The following KCNJ6 variants were observed in gnomAD, a reference collection of about 807,000 sequenced individuals.
KCNJ6 encodes the protein potassium inwardly rectifying channel subfamily J member 6, also known as G protein-activated inward rectifier potassium channel 2.
Under a neutral mutation model 34.2 loss-of-function variants are expected in KCNJ6, and 9 were observed. The ratio of observed to expected loss-of-function variants is 0.26; its 90% CI spans 0.16 to 0.46. KCNJ6 has a LOEUF of 0.46. KCNJ6 is among the 20% of genes least tolerant of loss of function. The probability of loss-of-function intolerance (pLI) is 1.00; values close to 1 mark genes in which losing one functional copy is unlikely to be tolerated. For missense variants in KCNJ6, 236 were observed against 531.3 expected (o/e 0.44, Z 5.46); for synonymous variants, 196 against 207.1 (o/e 0.95, Z 0.46).
chr21:37,875,597 GCTTA>G (rs760025251), intron 1 of KCNJ6, among the ~76,000 whole-genome samples: 70 of 152,208 alleles, frequency 4.6e-4, no homozygotes, highest in Non-Finnish European at 8.1e-4. Flanking sequence ...GCTGCAAACA[GCTTA>G]CTGTTTCGAT....
At chr21:37,665,088 G>A (rs748068001) in intron 3 of KCNJ6, among the ~76,000 whole-genome samples, 14 of 152,080 alleles carry the variant, frequency 9.2e-5, no homozygotes, top group Non-Finnish European at 1.6e-4. Context: ...GAGCCACCAC[G>A]CCTGGCAAGA....
At chr21:37,783,578 G>C (rs574850839) in intron 2 of KCNJ6, among the ~76,000 whole-genome samples, 39 of 152,226 alleles carry the variant, frequency 2.6e-4, no homozygotes, top group Non-Finnish European at 3.1e-4. Context: ...GTATGTTTTT[G>C]TCAGCAACAT....
intron 2 of KCNJ6, among the ~76,000 whole-genome samples, chr21:37,782,466 C>T (rs1224287359): frequency 6.6e-6 from 1 of 152,128 alleles, no homozygotes; most frequent in Non-Finnish European, 1.5e-5. Flanking sequence ...ACTTAGTGCC[C>T]ACTTGCTCCC....
chr21:37,880,100 C>CA (rs10627837), intron 1 of KCNJ6, among the ~76,000 whole-genome samples: 9,910 of 145,478 alleles, frequency 0.068, 704 homozygotes, highest in African/African-American at 0.18. Flanking sequence ...TCTAAAAATA[C>CA]AAAAAAAAAA....
chr21:37,696,727 CTG>C (rs968603496), intron 3 of KCNJ6, among the ~76,000 whole-genome samples: 29 of 152,170 alleles, frequency 1.9e-4, no homozygotes, highest in Admixed American at 8.5e-4. Flanking sequence ...GAAAATCACA[CTG>C]TGGTTTTGTA....
At chr21:37,636,418 G>A (rs867901738) in intron 3 of KCNJ6, among the ~76,000 whole-genome samples, 5 of 152,250 alleles carry the variant, frequency 3.3e-5, no homozygotes, top group Middle Eastern at 3.2e-3. Context: ...GTGTGCGTGT[G>A]TGCGTAGCTT....
At chr21:37,728,930 T>G (rs1359154839) in intron 2 of KCNJ6, among the ~76,000 whole-genome samples, 1 of 152,180 alleles carries the variant, frequency 6.6e-6, no homozygotes, top group African/African-American at 2.4e-5. Flanking sequence ...ATAACACTTG[T>G]CATTTGTGTC....
chr21:37,618,826 C>G lies in KCNJ6; in HGVS notation c.*6333G>C, dbSNP rs1416688652. 1 of 152,210 alleles carries G rather than the reference C, an allele frequency of 6.6e-6. No individual in the cohort carries two copies. Among genetic ancestry groups the G allele is most frequent in the African/African-American group, 2.4e-5 (1 of 41,462 alleles). 9.4% of individuals were successfully genotyped at this position (152,210 alleles called of 1,614,324 possible). A position where few individuals can be genotyped will look rare whatever the true frequency, so the allele number is the denominator to read the frequency against. On this transcript the variant is annotated 3_prime_UTR_variant, in exon 4 of 4. Coordinates refer to ENST00000609713, the MANE Select transcript of KCNJ6 (RefSeq NM_002240.5). Reference sequence around the variant, plus strand: ...TGTGCCTTTAAAGTATTTTGCCTTCCTTTTCCTAGGACTCTCTTATTGAAT... The same window carrying G: ...TGTGCCTTTAAAGTATTTTGCCTTCGTTTTCCTAGGACTCTCTTATTGAAT...
chr21:37,770,354 C>G (rs1309184449), intron 2 of KCNJ6, among the ~76,000 whole-genome samples: 1 of 151,194 alleles, frequency 6.6e-6, no homozygotes, highest in Non-Finnish European at 1.5e-5. Context: ...TCTAAAAGAA[C>G]TGCATGATTT....
rs1015475260 is a variant in KCNJ6, at chr21:37,619,917, G to A, written c.*5242C>T. On this transcript the variant is annotated 3_prime_UTR_variant, in exon 4 of 4. Coordinates refer to ENST00000609713, the MANE Select transcript of KCNJ6 (RefSeq NM_002240.5). ...GACCGCTAGATCCTGGCTGGCTGTT[G>A]ACTCTATTTGCCACTCTGGAGGAAT... is the stretch of plus-strand genomic sequence containing the variant. The A allele has an allele frequency of 1.3e-5, 2 of 152,142 alleles. No homozygotes were observed. Among genetic ancestry groups the A allele is most frequent in the Non-Finnish European group, 2.9e-5 (2 of 68,040 alleles). The allele number at this position is 152,142 out of a possible 1,614,324, so 9.4% of individuals were successfully genotyped here.
chr21:37,717,600 G>GTGGAAGTCTCTAAATA (rs2123454956), intron 2 of KCNJ6, among the ~76,000 whole-genome samples: 1 of 152,358 alleles, frequency 6.6e-6, no homozygotes, highest in South Asian at 2.1e-4. Flanking sequence ...TTTGTGCTGA[G>GTGGAAGTCTCTAAATA]TGGAAGTCTC....
At chr21:37,670,734 C>T (rs2054537677) in intron 3 of KCNJ6, among the ~76,000 whole-genome samples, 1 of 152,180 alleles carries the variant, frequency 6.6e-6, no homozygotes, top group Non-Finnish European at 1.5e-5. Context: ...CACTGCACTC[C>T]AGCCTGGGTG....
chr21:37,709,911 C>A (rs1471716805), intron 3 of KCNJ6, among the ~76,000 whole-genome samples: 1 of 152,188 alleles, frequency 6.6e-6, no homozygotes, highest in Non-Finnish European at 1.5e-5. Flanking sequence ...GGCTGTCCTC[C>A]TTGTTAACTC....
chr21:37,890,075 C>T (rs7282912), intron 1 of KCNJ6, among the ~76,000 whole-genome samples: 10,488 of 152,182 alleles, frequency 0.069, 622 homozygotes, highest in African/African-American at 0.16. Flanking sequence ...TCTTCTCATA[C>T]TGCTAATAAA....
chr21:37,775,262 G>A (rs576662173), intron 2 of KCNJ6, among the ~76,000 whole-genome samples: 239 of 152,196 alleles, frequency 1.6e-3, no homozygotes, highest in South Asian at 2.1e-3. Context: ...CCTTTGTCAG[G>A]TGAGTAGATT....
chr21:37,760,159 C>A (rs2055053531), intron 2 of KCNJ6, among the ~76,000 whole-genome samples: 1 of 152,220 alleles, frequency 6.6e-6, no homozygotes. Context: ...CTGGTCCCGA[C>A]CTGCCCAGCC....
intron 3 of KCNJ6, among the ~76,000 whole-genome samples, chr21:37,677,234 G>A (rs982531975): frequency 2.0e-5 from 3 of 152,152 alleles, no homozygotes; most frequent in African/African-American, 4.8e-5. Context: ...AGAGGACTCC[G>A]GTACACAGCC....
intron 2 of KCNJ6, among the ~76,000 whole-genome samples, chr21:37,784,270 C>T (rs1050816938): frequency 5.3e-5 from 8 of 152,302 alleles, no homozygotes; most frequent in African/African-American, 1.9e-4. Context: ...TTTTATGACC[C>T]TCTACCCTGG....
At chr21:37,887,015 C>T (rs1016203877) in intron 1 of KCNJ6, among the ~76,000 whole-genome samples, 2 of 151,570 alleles carry the variant, frequency 1.3e-5, no homozygotes, top group Admixed American at 6.6e-5. Context: ...TCCACCCCCA[C>T]TCCCAGGAAG....
Sources: gnomAD v4.1 joint callset for allele counts (sites outside exome capture counted in the v4.1 genomes callset) on GRCh38, gnomAD v4.1.1 for gene constraint, MANE v1.5 for transcripts, NCBI Gene and HGNC (gene_info 2026-07-23, HGNC 2026-07-21) for gene names.